EMC3: variants seen among roughly 807,000 people sequenced by gnomAD.
EMC3 encodes ER membrane protein complex subunit 3, also known as 30 kDa protein.
EMC3 carries 13 observed loss-of-function variants against 36.6 expected under a neutral mutation model. The ratio of observed to expected loss-of-function variants is 0.35; its 90% CI spans 0.23 to 0.56. The LOEUF is 0.56. Ranked by LOEUF, EMC3 falls within the 20% of genes least tolerant of loss-of-function variation. The pLI is 0.84. For missense variants in EMC3, 220 were observed against 324.5 expected (o/e 0.68, Z 2.47); for synonymous variants, 120 against 111.9 (o/e 1.07, Z -0.46).
chr3:9,971,581 G>A (rs1034845761), intron 5 of EMC3, among the ~76,000 whole-genome samples: 9 of 152,126 alleles, frequency 5.9e-5, no homozygotes, highest in East Asian at 3.8e-4. Context: ...CCAGTCTCGC[G>A]TCTGTCCATG....
At chr3:10,004,272 G>A (rs137953570) in intron 1 of EMC3, 258 of 152,358 alleles carry the variant, frequency 1.7e-3, no homozygotes, top group African/African-American at 5.9e-3. Flanking sequence ...TGAGGGACCC[G>A]TGGGTGAACA....
intron 2 of EMC3, 87 bp from the exon 3 acceptor site, chr3:9,977,137 G>A: frequency 4.6e-6 from 5 of 1,085,872 alleles, no homozygotes; most frequent in Non-Finnish European, 5.4e-6. Context: ...TAGTCAGAAG[G>A]CCTTTAGGAT....
chr3:10,009,045 C>G (rs1222960060), intron 1 of EMC3: 1 of 152,700 alleles, frequency 6.5e-6, no homozygotes, highest in Non-Finnish European at 1.5e-5. Flanking sequence ...TTTGCCTGTC[C>G]AATCTTGGGG....
intron 7 of EMC3, among the ~76,000 whole-genome samples, chr3:9,967,092 C>T (rs1331421046): frequency 1.3e-5 from 2 of 152,152 alleles, no homozygotes; most frequent in African/African-American, 4.8e-5. Context: ...CTCTAACCTA[C>T]TTTCTTGTCT....
intron 4 of EMC3, among the ~76,000 whole-genome samples, 176 bp downstream of exon 4, chr3:9,974,208 C>T (rs749574572): frequency 2.0e-5 from 3 of 152,298 alleles, no homozygotes; most frequent in East Asian, 1.9e-4. Flanking sequence ...AAAGCATCCA[C>T]GTCATGAACT....
At chr3:10,006,888 G>A (rs1559361153) in intron 1 of EMC3, 1 of 354,056 alleles carries the variant, frequency 2.8e-6, no homozygotes, top group Non-Finnish European at 5.5e-6. Flanking sequence ...GGAGCTGGGC[G>A]AGGCGCCCAG....
rs774170217 is a variant in EMC3 at position 9,977,013 on chromosome 3, T to C, written c.251A>G (p.Glu84Gly). The change falls in exon 3 of 8, where the codon GAG (glutamate) becomes GGG (glycine). Residue 84 changes from glutamate (E) to glycine (G), a missense_variant. Physicochemically the swap from Glu to Gly is moderately conservative, Grantham distance 98. Transcript: ENST00000245046. Reference protein sequence around the residue: ...LTRKYYFNNPEDGFFKKTKRK... With the variant: ...LTRKYYFNNPGDGFFKKTKRK... ...TTTAGTTTTTTTGAAAAATCCATCCTCTGGGTTGTTGAAATAATATTTTCG... is the reference window on the plus strand; with the variant it reads ...TTTAGTTTTTTTGAAAAATCCATCCCCTGGGTTGTTGAAATAATATTTTCG... 1 of 1,611,342 alleles carries C rather than the reference T, an allele frequency of 6.2e-7. No homozygotes were observed. The highest frequency in any genetic ancestry group is 8.5e-7 in the Non-Finnish European group (1 of 1,179,212).
intron 1 of EMC3, among the ~76,000 whole-genome samples, chr3:9,997,005 A>C (rs1265102220): frequency 6.6e-6 from 1 of 152,108 alleles, no homozygotes; most frequent in Non-Finnish European, 1.5e-5. Context: ...TCATAATGTT[A>C]TACAACCATT....
intron 1 of EMC3, among the ~76,000 whole-genome samples, chr3:9,991,917 G>A (rs1315061060): frequency 6.6e-6 from 1 of 152,044 alleles, no homozygotes. Context: ...TAGATCCTGC[G>A]CATGTGCAGT....
At position 9,981,135 on chromosome 3, in the gene EMC3, G is replaced by A. The variant is rs1399320442; in HGVS notation, c.156-3689C>T. Among the ~76,000 whole-genome samples the A allele has an allele frequency of 3.3e-5, 5 of 152,302 alleles. No homozygotes were observed. The East Asian group carries it at 7.7e-4, about 23-fold the overall frequency. ...GAGGATCACTTGAGCCCGGGAGATC[G>A]AGGCTGAAGTGAGCCATGATCGCAC... is the stretch of plus-strand genomic sequence containing the variant. On this transcript the variant is annotated intron_variant, in intron 1 of 7. Transcript: ENST00000245046.
At chr3:9,988,070 TC>T (rs1444900539), upstream of EMC3, 5 of 608,188 alleles carry the variant, frequency 8.2e-6, no homozygotes, top group Non-Finnish European at 1.2e-5. Context: ...TTCTCTGACA[TC>T]CCACAGTCAG....
intron 7 of EMC3, among the ~76,000 whole-genome samples, chr3:9,964,793 G>C (rs2085720784): frequency 6.6e-6 from 1 of 152,120 alleles, no homozygotes; most frequent in African/African-American, 2.4e-5. Flanking sequence ...TTGATGATGT[G>C]AACTAAAAAA....
intron 1 of EMC3, chr3:10,007,354 A>G: frequency 7.4e-7 from 1 of 1,349,254 alleles, no homozygotes; most frequent in Non-Finnish European, 9.9e-7. Context: ...TCATGCTGAG[A>G]GGTCCCCAGG....
At chr3:9,969,586 A>G in intron 7 of EMC3, 133 bp downstream of exon 7, 1 of 1,540,004 alleles carries the variant, frequency 6.5e-7, no homozygotes, top group Non-Finnish European at 8.7e-7. Context: ...AGACGTGTAA[A>G]CTATGTTTTT....
chr3:9,973,327 T>G (rs1575676367), intron 5 of EMC3, among the ~76,000 whole-genome samples: 1 of 151,936 alleles, frequency 6.6e-6, no homozygotes, highest in East Asian at 1.9e-4. Context: ...CCCGAGAAGC[T>G]GGGACTACAG....
chr3:9,984,722 G>GT (rs1415198458), intron 1 of EMC3, among the ~76,000 whole-genome samples: 1 of 152,156 alleles, frequency 6.6e-6, no homozygotes, highest in Admixed American at 6.5e-5. Context: ...TCGCTCCAGG[G>GT]TGGGGTGCTG....
chr3:9,998,919 G>A (rs1011643417), intron 1 of EMC3, among the ~76,000 whole-genome samples: 5 of 151,990 alleles, frequency 3.3e-5, no homozygotes, highest in African/African-American at 9.7e-5. Flanking sequence ...ATGGTGCCCC[G>A]CTAATTTTTT....
chr3:9,976,346 C>A (rs985293237), intron 3 of EMC3, among the ~76,000 whole-genome samples: 1 of 152,176 alleles, frequency 6.6e-6, no homozygotes, highest in Non-Finnish European at 1.5e-5. Context: ...CTCAGGCAAT[C>A]AATCCACCTG....
Position 9,986,672 on chromosome 3 carries a change from A to G in EMC3, c.-11T>C. 1 of 1,613,636 alleles carries G rather than the reference A, an allele frequency of 6.2e-7. No homozygotes were observed. The highest frequency in any genetic ancestry group is 1.1e-5 in the South Asian group (1 of 91,076). ...TTCTGGCCCTGCCATCTTCACTGAA[A>G]GCTGGTTCCCAGTCTGGAATGGGCG... On this transcript the variant is annotated 5_prime_UTR_variant, in exon 1 of 8. Coordinates refer to ENST00000245046, the MANE Select transcript of EMC3 (RefSeq NM_001394674.1).
Sources: allele counts gnomAD v4.1 joint callset (sites outside exome capture counted in the v4.1 genomes callset), GRCh38; gene constraint gnomAD v4.1.1; transcripts MANE v1.5; gene names NCBI Gene and HGNC (gene_info 2026-07-23, HGNC 2026-07-21).